Variants in NELL1 observed in about 807,000 individuals in gnomAD.
NELL1 encodes the protein protein kinase C-binding protein NELL1.
In NELL1, 76 loss-of-function variants were observed where a neutral mutation model predicts 107.4. The observed-to-expected ratio is 0.71, with a 90% CI of 0.59 to 0.86. The LOEUF is 0.86. Among genes scored for constraint, NELL1 ranks in the 40% least tolerant of loss-of-function variants. The probability of loss-of-function intolerance (pLI) is 0.00; values close to 1 mark genes in which losing one functional copy is unlikely to be tolerated. For synonymous variants in NELL1, 353 were observed against 341.2 expected (o/e 1.03, Z -0.38); for missense variants, 1,024 against 1,005.5 (o/e 1.02, Z -0.25).
At chr11:21,347,893 G>A (rs1469754915) in intron 14 of NELL1, among the ~76,000 whole-genome samples, 1 of 152,106 alleles carries the variant, frequency 6.6e-6, no homozygotes, top group Non-Finnish European at 1.5e-5. Flanking sequence ...ACCAAATTGT[G>A]TCCAGAAAAG....
chr11:20,954,020 G>A (rs753054196), intron 11 of NELL1, among the ~76,000 whole-genome samples: 2 of 152,226 alleles, frequency 1.3e-5, no homozygotes, highest in Non-Finnish European at 2.9e-5. Context: ...GAAGAGGACA[G>A]TGATTAAGAA....
chr11:21,174,782 A>C (rs924562152), intron 13 of NELL1, among the ~76,000 whole-genome samples: 1 of 151,780 alleles, frequency 6.6e-6, no homozygotes, highest in African/African-American at 2.4e-5. Context: ...TGCAGAAGAG[A>C]TAAGAAAGGC....
intron 13 of NELL1, among the ~76,000 whole-genome samples, chr11:21,117,266 A>G (rs1380235813): frequency 2.0e-5 from 3 of 151,962 alleles, no homozygotes; most frequent in Non-Finnish European, 4.4e-5. Flanking sequence ...TCTGAGTAAT[A>G]CATATTATTA....
intron 3 of NELL1, among the ~76,000 whole-genome samples, chr11:20,806,855 T>C (rs890369515): frequency 7.9e-5 from 12 of 152,210 alleles, no homozygotes; most frequent in Non-Finnish European, 1.6e-4. Flanking sequence ...TTCTTCAGTA[T>C]GTTAATTAAA....
intron 15 of NELL1, among the ~76,000 whole-genome samples, chr11:21,463,918 C>T (rs1386386147): frequency 6.6e-6 from 1 of 152,072 alleles, no homozygotes; most frequent in Non-Finnish European, 1.5e-5. Context: ...TTTACTAACA[C>T]ATCTGAAAAC....
chr11:21,235,292 A>G (rs1468204998), intron 14 of NELL1, among the ~76,000 whole-genome samples: 1 of 152,186 alleles, frequency 6.6e-6, no homozygotes, highest in African/African-American at 2.4e-5. Flanking sequence ...GATTGTAAGC[A>G]TATTTCTAAG....
At chr11:21,388,660 G>A (rs1851799735) in intron 15 of NELL1, among the ~76,000 whole-genome samples, 1 of 151,796 alleles carries the variant, frequency 6.6e-6, no homozygotes, top group African/African-American at 2.4e-5. Flanking sequence ...ACTGCTCCAA[G>A]CTTTGAACTT....
chr11:21,253,341 T>C (rs1312300408), intron 14 of NELL1, among the ~76,000 whole-genome samples: 3 of 152,148 alleles, frequency 2.0e-5, no homozygotes, highest in South Asian at 2.1e-4. Flanking sequence ...ACTGTAGTGA[T>C]AGAGTGGTAA....
Position 21,560,989 on chromosome 11 carries a change from T to A in NELL1, c.1980+607T>A, listed in dbSNP as rs187869604. Among the ~76,000 whole-genome samples, 63 of 152,246 alleles carry A rather than the reference T, an allele frequency of 4.1e-4. No homozygotes were observed. In the East Asian group the frequency reaches 7.2e-3, roughly 17 times the overall value. ...TTATGAAAATAAAATTCTGTCATCA[T>A]TTGGTTTTGCTTTATGCTTTGCAAA... On this transcript the variant is annotated intron_variant, in intron 17 of 19. Transcript: ENST00000357134.
chr11:21,484,701 G>T (rs1353595803), intron 15 of NELL1, among the ~76,000 whole-genome samples: 1 of 151,798 alleles, frequency 6.6e-6, no homozygotes, highest in Non-Finnish European at 1.5e-5. Context: ...TAAAATTATA[G>T]AAATCATTTG....
At chr11:20,754,347 A>G (rs1287606302) in intron 2 of NELL1, among the ~76,000 whole-genome samples, 1 of 152,202 alleles carries the variant, frequency 6.6e-6, no homozygotes, top group African/African-American at 2.4e-5. Context: ...CTGAACAAAC[A>G]TATCCTAAGA....
At chr11:20,912,165 A>AT (rs1850146967) in intron 5 of NELL1, among the ~76,000 whole-genome samples, 2 of 152,258 alleles carry the variant, frequency 1.3e-5, no homozygotes, top group Admixed American at 6.5e-5. Context: ...GTCAAACCTA[A>AT]TTTCTGGACC....
chr11:21,032,547 C>A (rs1852988596), intron 12 of NELL1, among the ~76,000 whole-genome samples: 1 of 151,988 alleles, frequency 6.6e-6, no homozygotes, highest in African/African-American at 2.4e-5. Flanking sequence ...TGGCACCATG[C>A]CTGGCTAATT....
intron 15 of NELL1, among the ~76,000 whole-genome samples, chr11:21,376,692 T>C (rs988153896): frequency 1.3e-5 from 2 of 152,140 alleles, no homozygotes; most frequent in African/African-American, 4.8e-5. Context: ...GCATGGAATG[T>C]TTTTCCATTT....
intron 15 of NELL1, among the ~76,000 whole-genome samples, chr11:21,498,621 AC>A (rs1355932422): frequency 6.6e-6 from 1 of 151,942 alleles, no homozygotes; most frequent in Non-Finnish European, 1.5e-5. Context: ...TAATATTCTT[AC>A]AGAAGTTTCT....
intron 12 of NELL1, among the ~76,000 whole-genome samples, chr11:21,040,792 G>A (rs1853210309): frequency 2.0e-5 from 3 of 152,034 alleles, no homozygotes; most frequent in Admixed American, 6.6e-5. Context: ...ATAACTGTTC[G>A]CTGACCTAAT....
At chr11:21,098,430 G>C (rs1165095916) in intron 12 of NELL1, among the ~76,000 whole-genome samples, 2 of 152,234 alleles carry the variant, frequency 1.3e-5, no homozygotes, top group East Asian at 1.9e-4. Context: ...TCATCGCCCA[G>C]CATAGCTCCT....
chr11:20,750,093 A>T (rs997303805), intron 2 of NELL1, among the ~76,000 whole-genome samples: 1 of 152,182 alleles, frequency 6.6e-6, no homozygotes, highest in African/African-American at 2.4e-5. Context: ...ATATTCTCCA[A>T]CATTCAGTAT....
intron 2 of NELL1, among the ~76,000 whole-genome samples, chr11:20,751,988 G>A (rs1156525989): frequency 4.6e-5 from 7 of 151,928 alleles, no homozygotes. Context: ...ATTCTATAAG[G>A]TTTTCTTCAT....
Sources: gnomAD v4.1 joint callset for allele counts (sites outside exome capture counted in the v4.1 genomes callset) on GRCh38, gnomAD v4.1.1 for gene constraint, MANE v1.5 for transcripts, NCBI Gene and HGNC (gene_info 2026-07-23, HGNC 2026-07-21) for gene names.